Variants in MAMLD1 observed in about 807,000 individuals in gnomAD.
The protein encoded by MAMLD1 is mastermind-like domain-containing protein 1.
In MAMLD1, 14 loss-of-function variants were observed where a neutral mutation model predicts 45.0. The observed-to-expected ratio is 0.31, with a 90% CI of 0.21 to 0.49. The LOEUF (loss-of-function observed/expected upper bound fraction) is 0.49. Ranked by LOEUF, MAMLD1 falls within the 20% of genes least tolerant of loss-of-function variation. The pLI is 0.99. For synonymous variants in MAMLD1, 254 were observed against 247.8 expected (o/e 1.02, Z -0.24); for missense variants, 543 against 603.6 (o/e 0.90, Z 1.05).
intron 1 of MAMLD1, among the ~76,000 whole-genome samples, chrX:150,372,689 G>A (rs1024252152): frequency 5.3e-5 from 6 of 112,378 alleles, no homozygotes; most frequent in South Asian, 7.4e-4. Context: ...TCCGGAATAC[G>A]GAGTCAAACC....
chrX:150,402,857 G>A (rs1182273855), intron 1 of MAMLD1, among the ~76,000 whole-genome samples: 5 of 110,448 alleles, frequency 4.5e-5, no homozygotes, highest in South Asian at 3.9e-4. Context: ...TCACTCATAG[G>A]TGGGAATTGA....
rs782394104 is a variant in MAMLD1, at chrX:150,372,665, C to T, written c.-64+9135C>T. Among the ~76,000 whole-genome samples the T allele has an allele frequency of 2.1e-3, 237 of 112,536 alleles. 1 individual carries two copies. The highest frequency in any genetic ancestry group is 7.3e-3 in the African/African-American group (227 of 30,968). On this transcript the variant is annotated intron_variant, in intron 1 of 7. Coordinates refer to ENST00000370401, the MANE Select transcript of MAMLD1 (RefSeq NM_005491.5). ...AGTATGCCATTTTATTTCCCTGCCA[C>T]TCTAAAATTAATTTCCGGAATACGG...
chrX:150,513,752 C>T lies in MAMLD1; in HGVS notation c.*1793C>T. 6.7e-6 allele frequency: 2 copies of T among 297,236 alleles called. No homozygotes were observed. The highest frequency in any genetic ancestry group is 1.2e-5 in the Non-Finnish European group (2 of 170,291). The allele number at this position is 297,236 out of a possible 1,213,427, so 24.5% of individuals were successfully genotyped here. On this transcript the variant is annotated 3_prime_UTR_variant, in exon 8 of 8. Transcript: ENST00000370401. ...CGCAGAGACAGTGTGTGAGCCGAGC[C>T]CTGTCTCAGCAATCCACCTGGAGGA...
intron 3 of MAMLD1, among the ~76,000 whole-genome samples, chrX:150,465,633 C>T (rs890643219): frequency 2.7e-5 from 3 of 112,283 alleles, no homozygotes; most frequent in African/African-American, 9.7e-5. Flanking sequence ...CACCAAAGGC[C>T]GGGCCTGTGA....
intron 1 of MAMLD1, among the ~76,000 whole-genome samples, chrX:150,436,065 G>A (rs1490806828): frequency 8.9e-6 from 1 of 111,785 alleles, no homozygotes; most frequent in Non-Finnish European, 1.9e-5. Context: ...TAGCATGTAG[G>A]GTTTCTGCCG....
chrX:150,373,477 C>G (rs1056139256), intron 1 of MAMLD1, among the ~76,000 whole-genome samples: 37 of 111,196 alleles, frequency 3.3e-4, no homozygotes, highest in African/African-American at 1.2e-3. Flanking sequence ...CACACACACA[C>G]ACACACACAC....
chrX:150,508,945 A>C (rs922439068), intron 6 of MAMLD1, among the ~76,000 whole-genome samples: 2 of 111,619 alleles, frequency 1.8e-5, no homozygotes, highest in Middle Eastern at 4.6e-3. Context: ...CCTGGATCCG[A>C]GTCACAACCT....
At chrX:150,490,484 A>C (rs950836117) in intron 5 of MAMLD1, among the ~76,000 whole-genome samples, 1 of 112,562 alleles carries the variant, frequency 8.9e-6, no homozygotes, top group Non-Finnish European at 1.9e-5. Context: ...TGCCATCATA[A>C]GCATCTAGAG....
At chrX:150,504,872 G>A in intron 6 of MAMLD1, 1 of 754,000 alleles carries the variant, frequency 1.3e-6, no homozygotes, top group Non-Finnish European at 1.6e-6. Context: ...AATCCTCCCT[G>A]TCAACACAGC....
Position 150,512,572 on chromosome X carries a change from A to T in MAMLD1, c.*613A>T. ...CACAAGTGCCCGCTGCGATGGGAAC[A>T]CAAGTGCCCCTGGCCAACAACCCCA... On this transcript the variant is annotated 3_prime_UTR_variant, in exon 8 of 8. Coordinates refer to ENST00000370401, the MANE Select transcript of MAMLD1 (RefSeq NM_005491.5). The T allele has an allele frequency of 8.7e-7, 1 of 1,155,105 alleles. No homozygotes were observed. Among genetic ancestry groups the T allele is most frequent in the Non-Finnish European group, 1.1e-6 (1 of 872,161 alleles).
intron 1 of MAMLD1, among the ~76,000 whole-genome samples, chrX:150,379,675 C>A (rs994813757): frequency 8.9e-6 from 1 of 112,551 alleles, no homozygotes; most frequent in Non-Finnish European, 1.9e-5. Flanking sequence ...CCTCATTCCA[C>A]TCATTTCCTG....
intron 1 of MAMLD1, among the ~76,000 whole-genome samples, chrX:150,394,724 T>A (rs1490642083): frequency 2.7e-5 from 3 of 111,801 alleles, no homozygotes; most frequent in African/African-American, 6.5e-5. Context: ...TGGTTTTTTT[T>A]AATTTTAAAT....
intron 1 of MAMLD1, among the ~76,000 whole-genome samples, chrX:150,436,658 T>C (rs1374689937): frequency 2.7e-5 from 3 of 112,210 alleles, no homozygotes; most frequent in African/African-American, 9.7e-5. Flanking sequence ...GGATTGAGTT[T>C]TGACTTTTTC....
rs781844803 is a variant in MAMLD1 at position 150,375,535 on chromosome X, C to A, written c.-64+12005C>A. On this transcript the variant is annotated intron_variant, in intron 1 of 7. Transcript: ENST00000370401. ...CCCACCCCATGTGCATTTTAGGAAC[C>A]TTTTGGAAAGAAATGTGTTGCTAGG... 7.5e-4 allele frequency among the ~76,000 whole-genome samples: 84 copies of A among 112,580 alleles called. No individual in the cohort carries two copies. The Middle Eastern group carries it at 0.014, about 19-fold the overall frequency.
chrX:150,403,938 A>AG (rs2033896138), intron 1 of MAMLD1, among the ~76,000 whole-genome samples: 2 of 79,701 alleles, frequency 2.5e-5, no homozygotes, highest in African/African-American at 9.7e-5. Flanking sequence ...AGAGAAAGAA[A>AG]GAAAAGAAAG....
rs1378969302 is a variant in MAMLD1, at chrX:150,513,120, G to A, written c.*1161G>A. On this transcript the variant is annotated 3_prime_UTR_variant, in exon 8 of 8. Transcript: ENST00000370401. ...AAACCCCCATGGTGACATCACTCTA[G>A]GAAGTGGTGTCGATCCATACCCGCA... The A allele has an allele frequency of 7.6e-6, 8 of 1,055,027 alleles. No homozygotes were observed. The African/African-American group carries it at 1.1e-4, about 15-fold the overall frequency. 86.9% of individuals were successfully genotyped at this position (1,055,027 alleles called of 1,213,427 possible). A position where few individuals can be genotyped will look rare whatever the true frequency, so the allele number is the denominator to read the frequency against.
intron 1 of MAMLD1, among the ~76,000 whole-genome samples, chrX:150,388,177 C>A (rs2033016896): frequency 9.0e-6 from 1 of 111,696 alleles, no homozygotes. Context: ...GAGTGTTTAA[C>A]TACAAATTCA....
At position 150,420,333 on chromosome X, in the gene MAMLD1, C is replaced by T. The variant is rs781843074; in HGVS notation, c.-63-25121C>T. 4.5e-5 allele frequency among the ~76,000 whole-genome samples: 4 copies of T among 88,889 alleles called. No homozygotes were observed. The East Asian group carries it at 1.4e-3, about 32-fold the overall frequency. 77.2% of individuals were successfully genotyped at this position (88,889 alleles called of 115,157 possible). The stretch of plus-strand genomic sequence containing the variant: ...CTCTGTATTGGTTATTCTAGTTATA[C>T]ATTCTTCTAAATTTTTTTCAAAGTT... On this transcript the variant is annotated intron_variant, in intron 1 of 7. Transcript: ENST00000370401.
intron 2 of MAMLD1, among the ~76,000 whole-genome samples, chrX:150,453,676 C>T (rs782496862): frequency 1.8e-4 from 20 of 111,866 alleles, no homozygotes; most frequent in Non-Finnish European, 3.6e-4. Flanking sequence ...AAATACAATC[C>T]AATCCCTTTC....
Sources: gnomAD v4.1 joint callset for allele counts (sites outside exome capture counted in the v4.1 genomes callset) on GRCh38, gnomAD v4.1.1 for gene constraint, MANE v1.5 for transcripts, NCBI Gene and HGNC (gene_info 2026-07-23, HGNC 2026-07-21) for gene names.